The following PLXNA4 variants were observed in gnomAD, a reference collection of about 807,000 sequenced individuals.
The protein encoded by PLXNA4 is plexin A4, also known as plexin-A4.
PLXNA4 carries 44 observed loss-of-function variants against 191.8 expected under a neutral mutation model. The observed-to-expected ratio is 0.23, with a 90% CI of 0.18 to 0.29. The LOEUF (loss-of-function observed/expected upper bound fraction) is 0.29, where lower values mean the gene tolerates loss of function less well. PLXNA4 is among the 10% of genes least tolerant of loss of function. PLXNA4 has a pLI of 1.00. For missense variants in PLXNA4, 1,800 were observed against 2,488.8 expected (o/e 0.72, Z 5.89); for synonymous variants, 1,082 against 1,009.5 (o/e 1.07, Z -1.36).
chr7:132,365,457 AGACCCTCCCCCTTTG>A, intron 3 of PLXNA4, among the ~76,000 whole-genome samples: 1 of 152,252 alleles, frequency 6.6e-6, no homozygotes, highest in East Asian at 1.9e-4. Context: ...GTCTTCAGCA[AGACCCTCCCCCTTTG>A]GGGGCTCAGT....
At chr7:132,538,191 C>T (rs962078075) in intron 1 of PLXNA4, among the ~76,000 whole-genome samples, 4 of 152,232 alleles carry the variant, frequency 2.6e-5, no homozygotes, top group African/African-American at 9.6e-5. Flanking sequence ...ACCTGCACCA[C>T]CTTCCTCTCA....
rs111927899 is a variant in PLXNA4 at position 132,522,252 on chromosome 7, C to A, written c.-86-13473G>T. The stretch of plus-strand genomic sequence containing the variant: ...CCCAAAACTCCATCATAAACACAAC[C>A]ATCACCACCTCTCATTGGTGGAATG... On this transcript the variant is annotated intron_variant, in intron 1 of 31. Transcript: ENST00000321063. Among the ~76,000 whole-genome samples, 222 of 152,310 alleles carry A rather than the reference C, an allele frequency of 1.5e-3. 2 individuals carry two copies. The highest frequency in any genetic ancestry group is 5.1e-3 in the African/African-American group (214 of 41,560).
At chr7:132,132,567 G>GTTCCA (rs1794999760) in intron 31 of PLXNA4, among the ~76,000 whole-genome samples, 1 of 105,626 alleles carries the variant, frequency 9.5e-6, no homozygotes, top group Non-Finnish European at 2.2e-5. Flanking sequence ...ATTCTACTCC[G>GTTCCA]TTCCATTCCA....
intron 4 of PLXNA4, among the ~76,000 whole-genome samples, chr7:132,275,052 G>A (rs970944091): frequency 1.3e-4 from 20 of 151,906 alleles, no homozygotes; most frequent in African/African-American, 4.6e-4. Flanking sequence ...AATATTCAGG[G>A]TCAATACTTT....
rs374466534 is a variant in PLXNA4 at position 132,168,568 on chromosome 7, G to A, written c.4022C>T (p.Pro1341Leu). The A allele has an allele frequency of 1.1e-5, 18 of 1,576,956 alleles. No homozygotes were observed. Among genetic ancestry groups the A allele is most frequent in the African/African-American group, 4.0e-5 (3 of 74,424 alleles). The change falls in exon 22 of 32, where the codon CCG (proline) becomes CTG (leucine). Residue 1341 changes from proline to leucine, a missense_variant. By Grantham distance (98) the Pro-to-Leu change is moderately conservative. Coordinates refer to ENST00000321063, the MANE Select transcript of PLXNA4 (RefSeq NM_020911.2). ...CTCCACACGCTCCTGCCGGTAGCCC[G>A]GGACCTGCAGAGAGACCTAGGAGTC... Reference protein sequence around the residue: ...DHPVLRDLEVPGYRQERVEKG... With the variant: ...DHPVLRDLEVLGYRQERVEKG...
chr7:132,604,356 T>C (rs1028993759), intron 2 of PLXNA4, among the ~76,000 whole-genome samples: 3 of 152,102 alleles, frequency 2.0e-5, no homozygotes, highest in Non-Finnish European at 4.4e-5. Flanking sequence ...AAGAGGAACA[T>C]AGATATACGG....
chr7:132,420,183 A>G (rs1378525669), intron 3 of PLXNA4, among the ~76,000 whole-genome samples: 1 of 152,292 alleles, frequency 6.6e-6, no homozygotes, highest in East Asian at 1.9e-4. Flanking sequence ...GTGCCTCTGT[A>G]TTAGAGCATG....
At chr7:132,173,544 A>G (rs62469710) in intron 21 of PLXNA4, among the ~76,000 whole-genome samples, 2,703 of 152,304 alleles carry the variant, frequency 0.018, 45 homozygotes, top group South Asian at 0.03. Context: ...CCCTCAATAT[A>G]GAAACACACA....
intron 1 of PLXNA4, among the ~76,000 whole-genome samples, chr7:132,523,835 G>A (rs1218902870): frequency 1.3e-5 from 2 of 152,152 alleles, no homozygotes. Flanking sequence ...TTGAGGATCT[G>A]GGTGGGTGCT....
chr7:132,146,641 T>C lies in PLXNA4; in HGVS notation c.4924A>G (p.Thr1642Ala), dbSNP rs1795442498. The C allele has an allele frequency of 1.9e-6, 3 of 1,614,090 alleles. No individual in the cohort carries two copies. Among genetic ancestry groups the C allele is most frequent in the Non-Finnish European group, 2.5e-6 (3 of 1,180,008 alleles). ...DSLRSRTPMI[T>A]PDLESGVKMW... ...TTGACTCCACTCTCCAGGTCAGGAGTGATCATAGGTGTCCGTGAGCGGAGG... is the reference window on the plus strand; with the variant it reads ...TTGACTCCACTCTCCAGGTCAGGAGCGATCATAGGTGTCCGTGAGCGGAGG... Residue 1642 changes from threonine to alanine, a missense_variant, in exon 28 of 32, where the codon ACT (threonine) becomes GCT (alanine). Thr to Ala is a moderately conservative substitution (Grantham distance 58). Around this residue, in one of 6 missense-constraint regions of PLXNA4, gnomAD observed 214 missense variants for 298.2 expected, o/e 0.72. Transcript: ENST00000321063.
upstream of PLXNA4, among the ~76,000 whole-genome samples, chr7:132,580,959 G>A (rs949495150): frequency 6.6e-6 from 1 of 152,198 alleles, no homozygotes; most frequent in Non-Finnish European, 1.5e-5. Context: ...GAGGCAAGAG[G>A]AGCCTTCCGC....
intron 4 of PLXNA4, among the ~76,000 whole-genome samples, chr7:132,265,777 C>T (rs1004698191): frequency 6.6e-6 from 1 of 152,174 alleles, no homozygotes. Context: ...GCCAGCCACA[C>T]ACATGGGCAC....
In PLXNA4 at chr7:132,227,669, T is replaced by C; in HGVS notation, c.1729-65A>G. The C allele has an allele frequency of 1.9e-6, 3 of 1,594,950 alleles. No homozygotes were observed. In the South Asian group the frequency reaches 3.3e-5, roughly 18 times the overall value. On this transcript the variant is annotated intron_variant, in intron 6 of 31. Transcript: ENST00000321063. ...AAATGGGAAAAGGACAGGTATGGAA[T>C]AAAAAAAGAAAGTGGGAGAGTGAGA...
Position 132,182,196 on chromosome 7 carries a change from C to G in PLXNA4, c.3159-6G>C. The G allele has an allele frequency of 6.2e-7, 1 of 1,613,768 alleles. No individual in the cohort carries two copies. Among genetic ancestry groups the G allele is most frequent in the Non-Finnish European group, 8.5e-7 (1 of 1,179,884 alleles). On this transcript the variant is annotated splice_polypyrimidine_tract_variant and splice_region_variant and intron_variant, in intron 16 of 31. Coordinates refer to ENST00000321063, the MANE Select transcript of PLXNA4 (RefSeq NM_020911.2). ...CGGCGATGGGTGTGTTTCCACTGAGCAGGAAGAAAGAAGGAGATGTGTAAA... is the reference window on the plus strand; with the variant it reads ...CGGCGATGGGTGTGTTTCCACTGAGGAGGAAGAAAGAAGGAGATGTGTAAA...
chr7:132,194,007 T>C (rs906629321), intron 14 of PLXNA4, 55 bp downstream of exon 14: 11 of 1,569,878 alleles, frequency 7.0e-6, no homozygotes, highest in Admixed American at 6.9e-5. Context: ...CCAGCAATCA[T>C]GGTAATGAGC....
intron 3 of PLXNA4, among the ~76,000 whole-genome samples, chr7:132,327,300 C>G (rs1802412387): frequency 6.6e-6 from 1 of 152,084 alleles, no homozygotes; most frequent in Non-Finnish European, 1.5e-5. Context: ...TTGACATTTC[C>G]AGGGGTAGGT....
In PLXNA4 at chr7:132,126,022, C is replaced by CTGA. The variant is rs1282233039; in HGVS notation, c.*4454_*4456dup. 2.0e-5 allele frequency: 3 copies of CTGA among 152,312 alleles called. No individual in the cohort carries two copies. The highest frequency in any genetic ancestry group is 4.4e-5 in the Non-Finnish European group (3 of 68,132). 9.4% of individuals were successfully genotyped at this position (152,312 alleles called of 1,614,324 possible). A position where few individuals can be genotyped will look rare whatever the true frequency, so the allele number is the denominator to read the frequency against. On this transcript the variant is annotated 3_prime_UTR_variant, in exon 32 of 32. Coordinates refer to ENST00000321063, the MANE Select transcript of PLXNA4 (RefSeq NM_020911.2). ...TGTGAGGTGGGAGGTTTGTCCTTGA[C>CTGA]TGATAACAATACTGGCCCTTTGCTC...
chr7:132,315,790 G>A (rs1272364552), intron 3 of PLXNA4, among the ~76,000 whole-genome samples: 2 of 152,196 alleles, frequency 1.3e-5, no homozygotes, highest in South Asian at 4.1e-4. Context: ...GGAGCCATGA[G>A]GAAGAATATG....
intron 21 of PLXNA4, among the ~76,000 whole-genome samples, chr7:132,170,861 T>C (rs1326821459): frequency 6.6e-6 from 1 of 152,252 alleles, no homozygotes. Context: ...ACTGTGGTGC[T>C]GGTCCTTGGA....
Sources: gnomAD v4.1 joint callset for allele counts (sites outside exome capture counted in the v4.1 genomes callset) on GRCh38, gnomAD v4.1.1 for gene constraint, gnomAD v4.1.1 regional missense constraint, MANE v1.5 for transcripts, NCBI Gene and HGNC (gene_info 2026-07-23, HGNC 2026-07-21) for gene names.